The following NHLRC2 variants were observed in gnomAD, a reference collection of about 807,000 sequenced individuals.
NHLRC2 encodes NHL repeat containing 2.
Under a neutral mutation model 68.1 loss-of-function variants are expected in NHLRC2, and 33 were observed. The observed-to-expected ratio is 0.48, with a 90% CI of 0.37 to 0.65. NHLRC2 has a LOEUF of 0.65. NHLRC2 is among the 30% of genes least tolerant of loss of function. NHLRC2 has a pLI of 0.00. For missense variants in NHLRC2, 761 were observed against 853.8 expected (o/e 0.89, Z 1.35); for synonymous variants, 311 against 309.6 (o/e 1.00, Z -0.05).
intron 7 of NHLRC2, 68 bp downstream of exon 7, chr10:113,901,965 A>G: frequency 9.0e-7 from 1 of 1,111,916 alleles, no homozygotes; most frequent in South Asian, 1.3e-5. Context: ...TGAATTATGG[A>G]AAGTTAATAA....
In NHLRC2 at chr10:113,876,940, G is replaced by A. The variant is rs767920505; in HGVS notation, c.751G>A (p.Val251Ile). 1.0e-5 allele frequency: 16 copies of A among 1,601,016 alleles called. No individual in the cohort carries two copies. Among genetic ancestry groups the A allele is most frequent in the African/African-American group, 2.7e-5 (2 of 74,226 alleles). Residue 251 changes from valine (V) to isoleucine (I), a missense_variant, in exon 3 of 11, where the codon GTT becomes ATT. Val to Ile is a conservative substitution (Grantham distance 29, BLOSUM62 3). Transcript: ENST00000369301. The part of the protein sequence containing the change: ...ADTGHHRILV[V>I]WKNGQIQYSI... ...CACTGGACATCATAGAATTTTGGTC[G>A]TTTGGAAGAATGGACAAATTCAATA...
chr10:113,896,993 CAA>C (rs1166918337), intron 5 of NHLRC2, among the ~76,000 whole-genome samples: 15 of 73,296 alleles, frequency 2.0e-4, no homozygotes, highest in Admixed American at 4.7e-4. Flanking sequence ...GACTCCGCCT[CAA>C]AAAAAAAAAA....
intron 10 of NHLRC2, among the ~76,000 whole-genome samples, chr10:113,906,971 A>G (rs1288988701): frequency 6.6e-6 from 1 of 152,250 alleles, no homozygotes; most frequent in Non-Finnish European, 1.5e-5. Context: ...TGGGTGACAG[A>G]GCGAGACTCC....
chr10:113,866,949 C>G (rs1246282705), intron 2 of NHLRC2, among the ~76,000 whole-genome samples: 1 of 152,064 alleles, frequency 6.6e-6, no homozygotes, highest in East Asian at 1.9e-4. Flanking sequence ...ACCCAAGGTG[C>G]TCTTAATTTC....
intron 2 of NHLRC2, among the ~76,000 whole-genome samples, chr10:113,870,995 A>T (rs1022627878): frequency 1.5e-5 from 2 of 134,642 alleles, no homozygotes; most frequent in African/African-American, 5.6e-5. Flanking sequence ...CCATGTGTTA[A>T]TTATTCTTGC....
chr10:113,858,831 A>C, intron 2 of NHLRC2, 151 bp downstream of exon 2: 1 of 522,360 alleles, frequency 1.9e-6, no homozygotes, highest in South Asian at 3.7e-5. Context: ...GACTTCATGT[A>C]CCTTTTCATA....
intron 1 of NHLRC2, among the ~76,000 whole-genome samples, chr10:113,855,745 C>G (rs1015140907): frequency 2.0e-5 from 3 of 152,286 alleles, no homozygotes; most frequent in Middle Eastern, 3.4e-3. Flanking sequence ...GTGATCCTCC[C>G]GCCTCCGTTT....
chr10:113,908,148 C>A, intron 10 of NHLRC2, 132 bp from the exon 11 acceptor site: 1 of 663,130 alleles, frequency 1.5e-6, no homozygotes, highest in Non-Finnish European at 2.6e-6. Context: ...GTCCTTCCCA[C>A]AGACCGCAAT....
chr10:113,864,048 C>T (rs1047831299), intron 2 of NHLRC2, among the ~76,000 whole-genome samples: 7 of 152,142 alleles, frequency 4.6e-5, no homozygotes, highest in African/African-American at 1.7e-4. Flanking sequence ...GAATGTTATT[C>T]AACCTTGGAA....
In NHLRC2 at chr10:113,858,516, T is replaced by C. The variant is rs1423300533; in HGVS notation, c.179-12T>C. ...TCTTTAATCATTGTAATTTATTTTATGTAAATTTCAGGATTAGAATGGCTG... is the reference window on the plus strand; with the variant it reads ...TCTTTAATCATTGTAATTTATTTTACGTAAATTTCAGGATTAGAATGGCTG... On this transcript the variant is annotated splice_polypyrimidine_tract_variant and intron_variant, in intron 1 of 10. Coordinates refer to ENST00000369301, the MANE Select transcript of NHLRC2 (RefSeq NM_198514.4). The C allele has an allele frequency of 1.9e-6, 3 of 1,556,600 alleles. No individual in the cohort carries two copies. The highest frequency in any genetic ancestry group is 4.5e-5 in the East Asian group (2 of 44,548).
intron 2 of NHLRC2, among the ~76,000 whole-genome samples, chr10:113,873,094 A>T (rs1331956704): frequency 2.6e-5 from 4 of 152,326 alleles, no homozygotes; most frequent in South Asian, 2.1e-4. Context: ...TTTCACAAAT[A>T]ACGTACAAAG....
intron 3 of NHLRC2, 24 bp from the exon 4 acceptor site, chr10:113,879,550 G>A (rs750632449): frequency 2.5e-6 from 4 of 1,584,818 alleles, no homozygotes; most frequent in Non-Finnish European, 3.4e-6. Context: ...CACTTCTTAA[G>A]TGGCAAATTT....
chr10:113,879,468 A>G, intron 3 of NHLRC2, 106 bp from the exon 4 acceptor site: 1 of 1,002,800 alleles, frequency 1.0e-6, no homozygotes, highest in Non-Finnish European at 1.5e-6. Flanking sequence ...AGATGGACAT[A>G]CCATTTTTTT....
rs1417887141 is a variant in NHLRC2, at chr10:113,913,139, A to T, written c.*4603A>T. ...TTGATTGGTGAAGAAGCACACAGAG[A>T]GGGTAAGCATAATCAAATACACCAG... On this transcript the variant is annotated 3_prime_UTR_variant, in exon 11 of 11. Coordinates refer to ENST00000369301, the MANE Select transcript of NHLRC2 (RefSeq NM_198514.4). 1 of 152,214 alleles carries T rather than the reference A, an allele frequency of 6.6e-6. No individual in the cohort carries two copies. Among genetic ancestry groups the T allele is most frequent in the Non-Finnish European group, 1.5e-5 (1 of 68,038 alleles). 9.4% of individuals were successfully genotyped at this position (152,214 alleles called of 1,614,324 possible). A position where few individuals can be genotyped will look rare whatever the true frequency, so the allele number is the denominator to read the frequency against.
At chr10:113,863,600 C>G (rs1845835990) in intron 2 of NHLRC2, among the ~76,000 whole-genome samples, 1 of 151,772 alleles carries the variant, frequency 6.6e-6, no homozygotes, top group Non-Finnish European at 1.5e-5. Context: ...CCAAAGCTAA[C>G]CGAAGGAAGG....
At chr10:113,894,660 A>T (rs760807561) in intron 5 of NHLRC2, among the ~76,000 whole-genome samples, 2 of 151,610 alleles carry the variant, frequency 1.3e-5, no homozygotes, top group Non-Finnish European at 2.9e-5. Context: ...ATTCTCGGGG[A>T]TGTTTGTAGG....
intron 2 of NHLRC2, among the ~76,000 whole-genome samples, chr10:113,873,511 G>A (rs1446814878): frequency 6.6e-6 from 1 of 152,094 alleles, no homozygotes; most frequent in African/African-American, 2.4e-5. Flanking sequence ...TATATGTGAG[G>A]CTGTTGCTTT....
chr10:113,907,528 T>C (rs1183424813), intron 10 of NHLRC2, among the ~76,000 whole-genome samples: 2 of 152,220 alleles, frequency 1.3e-5, no homozygotes, highest in East Asian at 3.8e-4. Context: ...ATGACATGTG[T>C]GTTCCTTCTA....
Position 113,914,506 on chromosome 10 carries a change from G to A in NHLRC2, c.*5970G>A, listed in dbSNP as rs767179732. 10 of 168,054 alleles carry A rather than the reference G, an allele frequency of 6.0e-5. No homozygotes were observed. Among genetic ancestry groups the A allele is most frequent in the African/African-American group, 9.6e-5 (4 of 41,514 alleles). 10.4% of individuals were successfully genotyped at this position (168,054 alleles called of 1,614,324 possible). On this transcript the variant is annotated 3_prime_UTR_variant, in exon 11 of 11. Coordinates refer to ENST00000369301, the MANE Select transcript of NHLRC2 (RefSeq NM_198514.4). ...TAAAAGGAATTAAGCAAAATGCTAC[G>A]TACCAATGATTATGATTCATGATCA... is the stretch of plus-strand genomic sequence containing the variant.
Sources: gnomAD v4.1 joint callset for allele counts (sites outside exome capture counted in the v4.1 genomes callset) on GRCh38, gnomAD v4.1.1 for gene constraint, MANE v1.5 for transcripts, NCBI Gene and HGNC (gene_info 2026-07-23, HGNC 2026-07-21) for gene names.